The following ZMYM4 variants were observed in gnomAD, a reference collection of about 807,000 sequenced individuals.
The protein encoded by ZMYM4 is zinc finger MYM-type protein 4.
A neutral mutation model predicts 183.2 loss-of-function variants in ZMYM4; 31 were observed. That is an observed-to-expected ratio of 0.17 (90% CI 0.13 to 0.23). ZMYM4 has a LOEUF of 0.23. Ranked by LOEUF, ZMYM4 falls within the 10% of genes least tolerant of loss-of-function variation. ZMYM4 has a pLI of 1.00. For synonymous variants in ZMYM4, 592 were observed against 631.2 expected (o/e 0.94, Z 0.93); for missense variants, 1,273 against 1,840.3 (o/e 0.69, Z 5.64).
chr1:35,275,073 A>T (rs939669502), intron 1 of ZMYM4, among the ~76,000 whole-genome samples: 2 of 152,252 alleles, frequency 1.3e-5, no homozygotes, highest in African/African-American at 4.8e-5. Context: ...CTTAGGAATC[A>T]TTAAGTTAAC....
intron 2 of ZMYM4, among the ~76,000 whole-genome samples, chr1:35,350,506 C>T (rs996735825): frequency 6.6e-6 from 1 of 152,162 alleles, no homozygotes; most frequent in Non-Finnish European, 1.5e-5. Context: ...AGGCTGGTCT[C>T]GAACTCCTGA....
At chr1:35,289,354 G>A (rs949685237) in intron 1 of ZMYM4, among the ~76,000 whole-genome samples, 6 of 151,810 alleles carry the variant, frequency 4.0e-5, no homozygotes, top group Admixed American at 2.0e-4. Context: ...AGAATTGGTT[G>A]GGATATATTT....
intron 2 of ZMYM4, among the ~76,000 whole-genome samples, chr1:35,345,775 TA>T (rs2148871013): frequency 6.6e-6 from 1 of 152,332 alleles, no homozygotes; most frequent in Non-Finnish European, 1.5e-5. Context: ...AAAACATCTT[TA>T]AAAACTTTAA....
At chr1:35,308,034 C>G (rs981398989) in intron 1 of ZMYM4, among the ~76,000 whole-genome samples, 69 of 151,980 alleles carry the variant, frequency 4.5e-4, no homozygotes, top group African/African-American at 1.6e-3. Context: ...CGATATCACC[C>G]AGGCTGGAGT....
chr1:35,392,664 A>G lies in ZMYM4; in HGVS notation c.2746A>G (p.Thr916Ala). 6.3e-7 allele frequency: 1 copy of G among 1,594,396 alleles called. No individual in the cohort carries two copies. The highest frequency in any genetic ancestry group is 8.5e-7 in the Non-Finnish European group (1 of 1,174,734). The change falls in exon 17 of 30, where the codon ACA becomes GCA. Residue 916 changes from threonine (T) to alanine (A), a missense_variant. Around this residue, in one of 6 missense-constraint regions of ZMYM4, gnomAD observed 290 missense variants for 353.3 expected, o/e 0.82. Coordinates refer to ENST00000314607, the MANE Select transcript of ZMYM4 (RefSeq NM_005095.3). ...ATATCAAGGTGCAGTTCCAACAGTA[A>G]CAGCGAAAATCATCGGTGATGTAAG... ...SVLQGAVPTV[T>A]AKIIGDASTQ... is the part of the protein sequence containing the mutation.
chr1:35,361,832 C>T lies in ZMYM4; in HGVS notation c.840+43C>T, dbSNP rs752817028. 5 of 1,578,146 alleles carry T rather than the reference C, an allele frequency of 3.2e-6. No individual in the cohort carries two copies. The Admixed American group carries it at 9.6e-5, about 30-fold the overall frequency. On this transcript the variant is annotated intron_variant, in intron 5 of 29. Coordinates refer to ENST00000314607, the MANE Select transcript of ZMYM4 (RefSeq NM_005095.3). The stretch of plus-strand genomic sequence containing the variant: ...TTTCCCCCCTTCTTTTTGTTCCACA[C>T]ATTGAATTATTCATTTGAGAGAGGA...
intron 26 of ZMYM4, among the ~76,000 whole-genome samples, chr1:35,413,279 A>G (rs1211037778): frequency 6.6e-6 from 1 of 151,384 alleles, no homozygotes; most frequent in Non-Finnish European, 1.5e-5. Flanking sequence ...TATTGACCTC[A>G]AGTGATCCTC....
In ZMYM4 at chr1:35,364,670, T is replaced by G. The variant is rs192843082; in HGVS notation, c.840+2881T>G. On this transcript the variant is annotated intron_variant, in intron 5 of 29. Coordinates refer to ENST00000314607, the MANE Select transcript of ZMYM4 (RefSeq NM_005095.3). ...TACAGTTGTGGTCAGTGTTTACTTT[T>G]GACCATCAGTTACCAGTAACTTCTT... Among the ~76,000 whole-genome samples, 165 of 152,360 alleles carry G rather than the reference T, an allele frequency of 1.1e-3. 1 individual carries two copies. The highest frequency in any genetic ancestry group is 3.8e-3 in the African/African-American group (158 of 41,596).
At chr1:35,297,978 GC>G (rs1269641259) in intron 1 of ZMYM4, among the ~76,000 whole-genome samples, 2 of 152,172 alleles carry the variant, frequency 1.3e-5, no homozygotes, top group Admixed American at 1.3e-4. Flanking sequence ...TAACTCTAAG[GC>G]TTAAAGAGAA....
intron 25 of ZMYM4, 81 bp from the exon 26 acceptor site, chr1:35,407,925 TAG>T: frequency 6.4e-7 from 1 of 1,554,564 alleles, no homozygotes; most frequent in East Asian, 2.2e-5. Flanking sequence ...TGGAGCACAG[TAG>T]TGTTCAATGT....
intron 5 of ZMYM4, among the ~76,000 whole-genome samples, chr1:35,365,044 T>A (rs1024945501): frequency 1.3e-5 from 2 of 152,166 alleles, no homozygotes; most frequent in Admixed American, 1.3e-4. Flanking sequence ...GTTTCTATAA[T>A]GTTTTCTGTA....
rs146050404 is a variant in ZMYM4, at chr1:35,403,537, C to T, written c.3529-1486C>T. Among the ~76,000 whole-genome samples, 1,065 of 152,272 alleles carry T rather than the reference C, an allele frequency of 7.0e-3. 2 individuals carry two copies. The highest frequency in any genetic ancestry group is 0.012 in the Admixed American group (187 of 15,306). ...CTGGCCTCAAGTGATCCACCCACCTCGCCCTCCCAAAGTGCTGGGATTACA... is the reference window on the plus strand; with the variant it reads ...CTGGCCTCAAGTGATCCACCCACCTTGCCCTCCCAAAGTGCTGGGATTACA... On this transcript the variant is annotated intron_variant, in intron 23 of 29. Coordinates refer to ENST00000314607, the MANE Select transcript of ZMYM4 (RefSeq NM_005095.3).
chr1:35,360,527 T>C (rs1236165059), intron 3 of ZMYM4, among the ~76,000 whole-genome samples: 4 of 152,250 alleles, frequency 2.6e-5, no homozygotes, highest in African/African-American at 9.6e-5. Context: ...TACTATATTT[T>C]TCTCTATAAT....
intron 1 of ZMYM4, chr1:35,310,474 T>A (rs1641742681): frequency 6.5e-6 from 1 of 154,538 alleles, no homozygotes; most frequent in African/African-American, 2.4e-5. Context: ...GATAAAAATC[T>A]CTTGTAATTT....
At chr1:35,410,692 A>G (rs1430955036) in intron 26 of ZMYM4, among the ~76,000 whole-genome samples, 1 of 141,700 alleles carries the variant, frequency 7.1e-6, no homozygotes, top group African/African-American at 2.9e-5. Flanking sequence ...GGGGTTTCAC[A>G]GTATTAGCCA....
At chr1:35,412,967 G>A (rs998918718) in intron 26 of ZMYM4, among the ~76,000 whole-genome samples, 2 of 151,964 alleles carry the variant, frequency 1.3e-5, no homozygotes, top group African/African-American at 2.4e-5. Flanking sequence ...CTTTTATCAC[G>A]TAATTACATG....
chr1:35,296,750 CA>C (rs1172236803), intron 1 of ZMYM4, among the ~76,000 whole-genome samples: 1 of 151,714 alleles, frequency 6.6e-6, no homozygotes, highest in African/African-American at 2.4e-5. Flanking sequence ...TAGTCAGTTT[CA>C]TTCTGATCCA....
chr1:35,316,019 T>C (rs904047138), intron 1 of ZMYM4, among the ~76,000 whole-genome samples: 1 of 152,246 alleles, frequency 6.6e-6, no homozygotes, highest in Non-Finnish European at 1.5e-5. Flanking sequence ...TTTATAGTTT[T>C]CTTAACAAGT....
At chr1:35,383,865 G>GCTT in intron 9 of ZMYM4, among the ~76,000 whole-genome samples, 1 of 152,236 alleles carries the variant, frequency 6.6e-6, no homozygotes, top group South Asian at 2.1e-4. Context: ...TTACCTTGGG[G>GCTT]AAAGCAGTTA....
Sources: gnomAD v4.1 joint callset for allele counts (sites outside exome capture counted in the v4.1 genomes callset) on GRCh38, gnomAD v4.1.1 for gene constraint, gnomAD v4.1.1 regional missense constraint, MANE v1.5 for transcripts, NCBI Gene and HGNC (gene_info 2026-07-23, HGNC 2026-07-21) for gene names.